The following CDH4 variants were observed in gnomAD, a reference collection of about 807,000 sequenced individuals.
CDH4 encodes the protein cadherin 4.
A neutral mutation model predicts 86.0 loss-of-function variants in CDH4; 33 were observed. That is an observed-to-expected ratio of 0.38 (90% confidence interval 0.29 to 0.51). The LOEUF is 0.51. Among genes scored for constraint, CDH4 ranks in the 20% least tolerant of loss-of-function variants. CDH4 has a pLI of 0.86. For synonymous variants in CDH4, 555 were observed against 549.4 expected (o/e 1.01, Z -0.14); for missense variants, 1,114 against 1,307.4 (o/e 0.85, Z 2.28).
At chr20:61,289,474 G>T (rs1013703890) in intron 2 of CDH4, among the ~76,000 whole-genome samples, 1 of 152,242 alleles carries the variant, frequency 6.6e-6, no homozygotes, top group Non-Finnish European at 1.5e-5. Context: ...GGGGTACGGG[G>T]TGTCGCCAGC....
intron 4 of CDH4, among the ~76,000 whole-genome samples, chr20:61,842,409 G>C (rs556789585): frequency 6.6e-6 from 1 of 152,202 alleles, no homozygotes; most frequent in Non-Finnish European, 1.5e-5. Flanking sequence ...TGCTTTTTCT[G>C]TCTCGTTCTT....
chr20:61,720,625 A>AGTGCATGGGTGTAGG (rs71185928), intron 2 of CDH4, among the ~76,000 whole-genome samples: 3 of 149,612 alleles, frequency 2.0e-5, no homozygotes, highest in African/African-American at 7.5e-5. Flanking sequence ...AGGGGTGCAG[A>AGTGCATGGGTGTAGG]GTGCCATTCC....
At chr20:61,395,677 G>A (rs1355269764) in intron 2 of CDH4, among the ~76,000 whole-genome samples, 1 of 152,176 alleles carries the variant, frequency 6.6e-6, no homozygotes, top group Non-Finnish European at 1.5e-5. Context: ...CTACTCCAGG[G>A]GCTGAGGTGG....
Position 61,726,701 on chromosome 20 carries a change from G to GTGCTACCATCATCACCATCGC in CDH4, c.170-16857_170-16856insCCATCATCACCATCGCTGCTA, listed in dbSNP as rs1449516191. On this transcript the variant is annotated intron_variant, in intron 2 of 15. Transcript: ENST00000614565. ...ACCATCAGAGCCATCATCACCATTGGTGCTATCATCATCACCATCGCTGCC... is the reference window on the plus strand; with the variant it reads ...ACCATCAGAGCCATCATCACCATTGGTGCTACCATCATCACCATCGCTGCTATCATCATCACCATCGCTGCC... Among the ~76,000 whole-genome samples, 4 of 148,226 alleles carry GTGCTACCATCATCACCATCGC rather than the reference G, an allele frequency of 2.7e-5. No individual in the cohort carries two copies. The East Asian group carries it at 8.1e-4, about 30-fold the overall frequency.
At chr20:61,429,231 C>A (rs2085231213) in intron 2 of CDH4, among the ~76,000 whole-genome samples, 1 of 152,144 alleles carries the variant, frequency 6.6e-6, no homozygotes, top group Non-Finnish European at 1.5e-5. Context: ...ACCTTTATAT[C>A]CATCTCACAG....
intron 2 of CDH4, among the ~76,000 whole-genome samples, chr20:61,522,769 G>C (rs1485434660): frequency 6.6e-6 from 1 of 152,202 alleles, no homozygotes; most frequent in African/African-American, 2.4e-5. Flanking sequence ...TTTAATTGAC[G>C]GCCCGGTGCC....
intron 2 of CDH4, among the ~76,000 whole-genome samples, chr20:61,293,306 C>T (rs139992424): frequency 1.6e-4 from 24 of 152,204 alleles, no homozygotes; most frequent in African/African-American, 4.6e-4. Context: ...GCTCCTGGGA[C>T]GGGTGGCAGG....
chr20:61,891,229 C>T (rs546019120), intron 7 of CDH4, among the ~76,000 whole-genome samples: 21 of 152,306 alleles, frequency 1.4e-4, no homozygotes, highest in African/African-American at 4.8e-4. Context: ...GTTTGGGCTG[C>T]ACGTTCCTGT....
intron 2 of CDH4, among the ~76,000 whole-genome samples, chr20:61,554,760 T>G (rs1600753904): frequency 6.6e-6 from 1 of 152,362 alleles, no homozygotes; most frequent in East Asian, 1.9e-4. Flanking sequence ...TGAACATATA[T>G]GTGCATATGT....
intron 3 of CDH4, among the ~76,000 whole-genome samples, chr20:61,753,780 C>G (rs1380786674): frequency 1.3e-5 from 2 of 152,180 alleles, no homozygotes; most frequent in African/African-American, 4.8e-5. Flanking sequence ...GAGCAATGTC[C>G]CACGGCCAGG....
intron 2 of CDH4, among the ~76,000 whole-genome samples, chr20:61,616,594 T>C (rs531443490): frequency 2.6e-4 from 39 of 152,152 alleles, no homozygotes; most frequent in Non-Finnish European, 4.6e-4. Context: ...TGAGCATTGA[T>C]GAAGAGGGCA....
chr20:61,362,585 G>A (rs143870710), intron 2 of CDH4, among the ~76,000 whole-genome samples: 29 of 152,042 alleles, frequency 1.9e-4, no homozygotes, highest in South Asian at 1.0e-3. Context: ...GAGCAGAGAC[G>A]TGGCCTAGGA....
In CDH4 at chr20:61,866,304, A is replaced by G. The variant is rs143525008; in HGVS notation, c.878-7424A>G. Among the ~76,000 whole-genome samples, 53 of 152,270 alleles carry G rather than the reference A, an allele frequency of 3.5e-4. 1 individual carries two copies. Among genetic ancestry groups the G allele is most frequent in the African/African-American group, 1.2e-3 (50 of 41,546 alleles). On this transcript the variant is annotated intron_variant, in intron 6 of 15. Coordinates refer to ENST00000614565, the MANE Select transcript of CDH4 (RefSeq NM_001794.5). The stretch of plus-strand genomic sequence containing the variant: ...AGAAACGATGTCAGCTTGGACAGCC[A>G]GGGTTTTCCACACCTGCGATTTTTT...
chr20:61,853,250 C>T (rs1197504136), intron 6 of CDH4, among the ~76,000 whole-genome samples: 2 of 152,024 alleles, frequency 1.3e-5, no homozygotes, highest in Non-Finnish European at 1.5e-5. Context: ...GAGCAGCTCC[C>T]GGAGTGGGAC....
chr20:61,585,591 G>A (rs368336894), intron 2 of CDH4, among the ~76,000 whole-genome samples: 2 of 152,222 alleles, frequency 1.3e-5, no homozygotes, highest in African/African-American at 4.8e-5. Context: ...GGATACTCCC[G>A]AACTTGGTGG....
At chr20:61,753,618 C>T (rs889400608) in intron 3 of CDH4, among the ~76,000 whole-genome samples, 2 of 152,216 alleles carry the variant, frequency 1.3e-5, no homozygotes, top group African/African-American at 4.8e-5. Flanking sequence ...CGAGACCAAG[C>T]TCTCACCCAG....
At chr20:61,756,374 G>A (rs569705505) in intron 3 of CDH4, among the ~76,000 whole-genome samples, 2 of 152,256 alleles carry the variant, frequency 1.3e-5, no homozygotes, top group East Asian at 3.9e-4. Context: ...GTTAGCAAAC[G>A]TCAGGTGTGT....
intron 2 of CDH4, chr20:61,437,408 C>T (rs1266075488): frequency 6.6e-6 from 1 of 152,214 alleles, no homozygotes; most frequent in Non-Finnish European, 1.5e-5. Context: ...TTCTGTCTCC[C>T]TGTGACGCAG....
intron 4 of CDH4, among the ~76,000 whole-genome samples, chr20:61,800,217 G>A (rs896435802): frequency 1.4e-4 from 22 of 152,214 alleles, no homozygotes; most frequent in Middle Eastern, 3.2e-3. Context: ...GCAAAGCCCC[G>A]AAGACCAGAC....
Sources: gnomAD v4.1 joint callset for allele counts (sites outside exome capture counted in the v4.1 genomes callset) on GRCh38, gnomAD v4.1.1 for gene constraint, MANE v1.5 for transcripts, NCBI Gene and HGNC (gene_info 2026-07-23, HGNC 2026-07-21) for gene names.